EP400: variants seen among roughly 807,000 people sequenced by gnomAD.
The protein encoded by EP400 is E1A binding protein p400.
Under a neutral mutation model 354.1 loss-of-function variants are expected in EP400, and 105 were observed. The observed-to-expected ratio is 0.30, with a 90% CI of 0.25 to 0.35. The LOEUF (loss-of-function observed/expected upper bound fraction) is 0.35, where lower values mean the gene tolerates loss of function less well. Among genes scored for constraint, EP400 ranks in the 10% least tolerant of loss-of-function variants. The pLI is 1.00. For missense variants in EP400, 3,280 were observed against 4,121.0 expected (o/e 0.80, Z 5.59); for synonymous variants, 1,646 against 1,716.9 (o/e 0.96, Z 1.02).
At chr12:132,037,652 G>C in intron 30 of EP400, 30 bp from the exon 31 acceptor site, 1 of 1,585,222 alleles carries the variant, frequency 6.3e-7, no homozygotes, top group African/African-American at 1.3e-5. Flanking sequence ...CCTGGTGACT[G>C]ACTTAGCATC....
At chr12:132,022,187 A>G (rs1268292068) in intron 23 of EP400, among the ~76,000 whole-genome samples, 1 of 152,232 alleles carries the variant, frequency 6.6e-6, no homozygotes, top group Non-Finnish European at 1.5e-5. Context: ...TGCATATTTT[A>G]CATCTTCATC....
chr12:131,991,548 A>T, intron 10 of EP400, 92 bp downstream of exon 10: 4 of 1,059,030 alleles, frequency 3.8e-6, no homozygotes, highest in Non-Finnish European at 4.3e-6. Flanking sequence ...AGGAATTTGT[A>T]GGCTGTGACT....
At chr12:132,065,195 G>C in intron 48 of EP400, 1 of 484,658 alleles carries the variant, frequency 2.1e-6, no homozygotes, top group South Asian at 2.6e-5. Context: ...GGACCCTGCA[G>C]GGACCAAGGC....
chr12:131,990,185 G>A lies in EP400; in HGVS notation c.2550+81G>A, dbSNP rs534463402. 2 of 1,509,584 alleles carry A rather than the reference G, an allele frequency of 1.3e-6. No homozygotes were observed. The highest frequency in any genetic ancestry group is 1.4e-5 in the African/African-American group (1 of 71,424). 93.5% of individuals were successfully genotyped at this position (1,509,584 alleles called of 1,614,324 possible). A position where few individuals can be genotyped will look rare whatever the true frequency, so the allele number is the denominator to read the frequency against. On this transcript the variant is annotated intron_variant, in intron 8 of 52. Coordinates refer to ENST00000389561, the MANE Select transcript of EP400 (RefSeq NM_015409.5). The surrounding 1 kb of genome is among the most constrained non-coding windows in gnomAD (Gnocchi z 4.2). ...GCCACTTCCCGAGACCAGAGCTCGG[G>A]CACCTTGCTTAGGAAGCTTTCGAGC...
At chr12:132,064,923 A>T in intron 48 of EP400, 37 bp downstream of exon 48, 1 of 1,561,634 alleles carries the variant, frequency 6.4e-7, no homozygotes, top group Non-Finnish European at 8.7e-7. Flanking sequence ...CAAAAGCAGC[A>T]TCTTTTTATG....
chr12:132,037,173 G>T (rs960991229), intron 30 of EP400, among the ~76,000 whole-genome samples: 4 of 152,152 alleles, frequency 2.6e-5, no homozygotes, highest in Non-Finnish European at 5.9e-5. Context: ...TGTCCAGTGG[G>T]GTGACATCTG....
At chr12:132,042,198 G>T (rs972202178) in intron 32 of EP400, among the ~76,000 whole-genome samples, 4 of 152,116 alleles carry the variant, frequency 2.6e-5, no homozygotes, top group African/African-American at 9.7e-5. Context: ...TGATCTGCCC[G>T]CCTTGGCCTT....
chr12:131,967,184 C>T (rs1892129108), intron 2 of EP400, among the ~76,000 whole-genome samples: 2 of 151,236 alleles, frequency 1.3e-5, no homozygotes, highest in Non-Finnish European at 2.9e-5. Context: ...AGTTCGAGAC[C>T]AGCCTGGCCA....
chr12:131,971,386 T>C (rs1172718643), intron 2 of EP400, among the ~76,000 whole-genome samples: 1 of 152,238 alleles, frequency 6.6e-6, no homozygotes, highest in Non-Finnish European at 1.5e-5. Flanking sequence ...CATCTGTTGC[T>C]GGGCACTTAG....
At chr12:132,022,753 G>A (rs1894161989) in intron 23 of EP400, among the ~76,000 whole-genome samples, 1 of 151,072 alleles carries the variant, frequency 6.6e-6, no homozygotes, top group African/African-American at 2.4e-5. Context: ...CTTTATTTAT[G>A]TATGTGATTT....
intron 12 of EP400, among the ~76,000 whole-genome samples, chr12:132,002,825 GTCTTTATGGTGTCGAGCTGAA>G (rs1893461582): frequency 1.3e-5 from 2 of 152,208 alleles, no homozygotes; most frequent in Non-Finnish European, 1.5e-5. Context: ...GGATCCCATT[GTCTTTATGGTGTCGAGCTGAA>G]TCCATGAGCA....
intron 30 of EP400, among the ~76,000 whole-genome samples, chr12:132,033,807 C>T (rs1252700571): frequency 6.6e-6 from 1 of 152,212 alleles, no homozygotes; most frequent in Non-Finnish European, 1.5e-5. Context: ...GCTGGGATTA[C>T]AGGCATGAGT....
chr12:132,035,544 A>G lies in EP400; in HGVS notation c.5952-2138A>G, dbSNP rs531832101. On this transcript the variant is annotated intron_variant, in intron 30 of 52. Coordinates refer to ENST00000389561, the MANE Select transcript of EP400 (RefSeq NM_015409.5). ...AGGGCACACCCAGGTTCACACACAC[A>G]GCATCGTGGAACAACACACCCAGGT... Among the ~76,000 whole-genome samples, 13 of 150,902 alleles carry G rather than the reference A, an allele frequency of 8.6e-5. 1 individual carries two copies. In the South Asian group the frequency reaches 2.8e-3, roughly 32 times the overall value.
intron 12 of EP400, among the ~76,000 whole-genome samples, chr12:132,000,014 G>C (rs1199112268): frequency 7.0e-6 from 1 of 143,308 alleles, no homozygotes; most frequent in African/African-American, 2.6e-5. Context: ...CCTGTATATT[G>C]TTTTCTGTTT....
chr12:132,032,524 T>A (rs1593360954), intron 30 of EP400, among the ~76,000 whole-genome samples: 1 of 152,000 alleles, frequency 6.6e-6, no homozygotes, highest in East Asian at 1.9e-4. Flanking sequence ...ACGATTTAGA[T>A]TTTGGGTTGT....
At chr12:131,978,476 G>A (rs1892557566) in intron 2 of EP400, among the ~76,000 whole-genome samples, 1 of 152,094 alleles carries the variant, frequency 6.6e-6, no homozygotes, top group South Asian at 2.1e-4. Flanking sequence ...ACAGAGTTAG[G>A]ATCATGTAGC....
At chr12:131,986,014 G>C (rs1593326892) in intron 5 of EP400, among the ~76,000 whole-genome samples, 1 of 152,018 alleles carries the variant, frequency 6.6e-6, no homozygotes, top group African/African-American at 2.4e-5. Flanking sequence ...TTGCTTCGTT[G>C]CCCAGGCTGG....
intron 45 of EP400, among the ~76,000 whole-genome samples, chr12:132,056,955 CAG>C (rs777082253): frequency 2.0e-5 from 3 of 152,178 alleles, no homozygotes; most frequent in Non-Finnish European, 2.9e-5. Context: ...CATGAGTCAT[CAG>C]GGGAATGCAG....
chr12:132,050,933 A>G lies in EP400; in HGVS notation c.7394+278A>G. The G allele has an allele frequency of 1.9e-6, 1 of 537,900 alleles. No homozygotes were observed. The allele number at this position is 537,900 out of a possible 1,614,324, so 33.3% of individuals were successfully genotyped here. On this transcript the variant is annotated intron_variant, in intron 41 of 52. Coordinates refer to ENST00000389561, the MANE Select transcript of EP400 (RefSeq NM_015409.5). The surrounding 1 kb of genome is among the most constrained non-coding windows in gnomAD (Gnocchi z 4.8). ...CAGATGTGATGAGTGTGCCAGGGCC[A>G]TGTGGCCAACCACAAGGGGCTTTCT...
Sources: gnomAD v4.1 joint callset for allele counts (sites outside exome capture counted in the v4.1 genomes callset) on GRCh38, gnomAD v4.1.1 for gene constraint, Gnocchi (gnomAD v3.1) non-coding constraint, MANE v1.5 for transcripts, NCBI Gene and HGNC (gene_info 2026-07-23, HGNC 2026-07-21) for gene names.